ASCC3: variants seen among roughly 807,000 people sequenced by gnomAD.
ASCC3 encodes the protein activating signal cointegrator 1 complex subunit 3, also known as ASC-1 complex subunit P200.
ASCC3 carries 158 observed loss-of-function variants against 256.3 expected under a neutral mutation model. The observed-to-expected ratio is 0.62, with a 90% CI of 0.54 to 0.70. The LOEUF (loss-of-function observed/expected upper bound fraction) is 0.70, where lower values mean the gene tolerates loss of function less well. ASCC3 is among the 30% of genes least tolerant of loss of function. The pLI, the probability that ASCC3 is intolerant of heterozygous loss-of-function variation, is 0.00. For synonymous variants in ASCC3, 948 were observed against 883.4 expected, an observed-to-expected ratio of 1.07 and a Z score of -1.30; for missense variants, 2,259 against 2,626.0, an observed-to-expected ratio of 0.86 and a Z score of 3.05.
intron 13 of ASCC3, among the ~76,000 whole-genome samples, chr6:100,685,539 C>A (rs1337984723): frequency 6.6e-6 from 1 of 152,188 alleles, no homozygotes; most frequent in Non-Finnish European, 1.5e-5. Flanking sequence ...CCAGGTTATT[C>A]TGATGCAAGT....
intron 2 of ASCC3, 92 bp from the exon 3 acceptor site, chr6:100,864,306 C>G (rs895721961): frequency 2.7e-6 from 3 of 1,128,388 alleles, no homozygotes; most frequent in Non-Finnish European, 3.8e-6. Context: ...CATTATACAA[C>G]TTGGTACTAC....
At chr6:100,571,042 C>T (rs756402641) in intron 36 of ASCC3, among the ~76,000 whole-genome samples, 23 of 152,176 alleles carry the variant, frequency 1.5e-4, no homozygotes, top group African/African-American at 3.4e-4. Flanking sequence ...CATCACTCAT[C>T]GGATCAAAAT....
intron 37 of ASCC3, among the ~76,000 whole-genome samples, chr6:100,538,913 C>T (rs1325088823): frequency 6.6e-6 from 1 of 151,784 alleles, no homozygotes; most frequent in Non-Finnish European, 1.5e-5. Context: ...AGTAGAAAAT[C>T]GAAATCCTTT....
intron 16 of ASCC3, among the ~76,000 whole-genome samples, chr6:100,660,398 A>G (rs1374849140): frequency 6.6e-6 from 1 of 151,630 alleles, no homozygotes; most frequent in African/African-American, 2.4e-5. Flanking sequence ...ATCATTTTAT[A>G]TTAAGAGACT....
intron 16 of ASCC3, among the ~76,000 whole-genome samples, chr6:100,656,746 C>A (rs1374695417): frequency 6.6e-6 from 1 of 151,064 alleles, no homozygotes; most frequent in Non-Finnish European, 1.5e-5. Context: ...ATTTCCTTAG[C>A]CAATGGTTCT....
chr6:100,528,499 T>G (rs1399978969), intron 37 of ASCC3, among the ~76,000 whole-genome samples: 1 of 152,186 alleles, frequency 6.6e-6, no homozygotes, highest in Non-Finnish European at 1.5e-5. Flanking sequence ...CACTGTGACA[T>G]TAATTGGAGT....
chr6:100,787,232 C>G (rs1030611132), intron 8 of ASCC3, among the ~76,000 whole-genome samples: 1 of 151,960 alleles, frequency 6.6e-6, no homozygotes, highest in Non-Finnish European at 1.5e-5. Flanking sequence ...AACTGACACC[C>G]CCTTGTATTT....
chr6:100,612,695 TGAAG>T (rs1177919272), intron 30 of ASCC3, among the ~76,000 whole-genome samples: 1 of 151,916 alleles, frequency 6.6e-6, no homozygotes, highest in Non-Finnish European at 1.5e-5. Context: ...CCCCATACAC[TGAAG>T]GAAGAAAAAC....
chr6:100,875,835 A>G (rs1330445405), intron 1 of ASCC3, among the ~76,000 whole-genome samples: 1 of 151,696 alleles, frequency 6.6e-6, no homozygotes, highest in Non-Finnish European at 1.5e-5. Flanking sequence ...GTTGAAGGAT[A>G]AACGCAAAGG....
chr6:100,515,708 G>A (rs1235817645), intron 39 of ASCC3, among the ~76,000 whole-genome samples: 2 of 152,086 alleles, frequency 1.3e-5, no homozygotes, highest in Non-Finnish European at 2.9e-5. Flanking sequence ...TAATAAGAGA[G>A]GGGCATAAAC....
chr6:100,827,784 C>T (rs1032520135), intron 4 of ASCC3, among the ~76,000 whole-genome samples: 4 of 152,006 alleles, frequency 2.6e-5, no homozygotes, highest in Admixed American at 2.6e-4. Context: ...ACATATTAAT[C>T]ACAGAAAATT....
At chr6:100,852,351 G>A (rs1772723254) in intron 3 of ASCC3, among the ~76,000 whole-genome samples, 1 of 152,160 alleles carries the variant, frequency 6.6e-6, no homozygotes, top group South Asian at 2.1e-4. Flanking sequence ...GGGGGAGATG[G>A]AACGGCTTTG....
At chr6:100,722,676 T>C (rs1376775849) in intron 11 of ASCC3, among the ~76,000 whole-genome samples, 4 of 151,822 alleles carry the variant, frequency 2.6e-5, no homozygotes, top group Admixed American at 1.3e-4. Flanking sequence ...ATAAATATAC[T>C]GCACATGTTT....
intron 13 of ASCC3, among the ~76,000 whole-genome samples, chr6:100,694,527 G>A (rs1202281306): frequency 6.6e-6 from 1 of 152,064 alleles, no homozygotes; most frequent in African/African-American, 2.4e-5. Context: ...TTTCTAAAGA[G>A]TTTATAAAAC....
At chr6:100,827,592 C>CA (rs1388317510) in intron 4 of ASCC3, among the ~76,000 whole-genome samples, 1 of 152,124 alleles carries the variant, frequency 6.6e-6, no homozygotes, top group Non-Finnish European at 1.5e-5. Context: ...AAGGATATCT[C>CA]AGCTGCTTCC....
chr6:100,607,724 A>G (rs531140319), intron 30 of ASCC3, among the ~76,000 whole-genome samples: 43 of 151,924 alleles, frequency 2.8e-4, no homozygotes, highest in Non-Finnish European at 5.3e-4. Flanking sequence ...GGATACATAT[A>G]CCTATTCAAA....
chr6:100,598,502 G>C (rs1397041702), intron 34 of ASCC3, among the ~76,000 whole-genome samples: 1 of 152,020 alleles, frequency 6.6e-6, no homozygotes, highest in Non-Finnish European at 1.5e-5. Flanking sequence ...TTCATCTTTT[G>C]TCTACTGTGA....
Position 100,589,958 on chromosome 6 carries a change from T to C in ASCC3, c.5405A>G (p.Glu1802Gly). The C allele has an allele frequency of 6.2e-7, 1 of 1,612,148 alleles. No individual in the cohort carries two copies. The highest frequency in any genetic ancestry group is 1.3e-5 in the African/African-American group (1 of 74,978). The change falls in exon 35 of 42, where the codon GAA (glutamate) becomes GGA (glycine). Residue 1802 changes from glutamate (E) to glycine (G), a missense_variant. By Grantham distance (98) the Glu-to-Gly change is moderately conservative. Transcript: ENST00000369162. ...LIELELSYCI[E>G]IGEDNRSIEP... is the part of the protein sequence containing the mutation. The stretch of plus-strand genomic sequence containing the variant: ...ATGACTAAGTCATACCTCTCCAATT[T>C]CAATACAGTAGGAAAGTTCCAATTC...
intron 36 of ASCC3, among the ~76,000 whole-genome samples, chr6:100,584,166 T>A (rs1226477278): frequency 6.6e-6 from 1 of 151,494 alleles, no homozygotes; most frequent in Non-Finnish European, 1.5e-5. Context: ...CTCGTTGATC[T>A]GTCTAATGTT....
Sources: gnomAD v4.1 joint callset for allele counts (sites outside exome capture counted in the v4.1 genomes callset) on GRCh38, gnomAD v4.1.1 for gene constraint, MANE v1.5 for transcripts, NCBI Gene and HGNC (gene_info 2026-07-23, HGNC 2026-07-21) for gene names.